IFT81: variants seen among roughly 807,000 people sequenced by gnomAD.
IFT81 encodes the protein intraflagellar transport protein 81 homolog.
IFT81 carries 72 observed loss-of-function variants against 102.6 expected under a neutral mutation model. The ratio of observed to expected loss-of-function variants is 0.70; its 90% CI spans 0.58 to 0.85. The LOEUF is 0.85. Among genes scored for constraint, IFT81 ranks in the 40% least tolerant of loss-of-function variants. The pLI, the probability that IFT81 is intolerant of heterozygous loss-of-function variation, is 0.00. For synonymous variants in IFT81, 237 were observed against 242.7 expected (o/e 0.98, Z 0.22); for missense variants, 723 against 787.3 (o/e 0.92, Z 0.98).
chr12:110,153,688 G>A (rs754825541), intron 10 of IFT81, among the ~76,000 whole-genome samples: 6 of 148,472 alleles, frequency 4.0e-5, no homozygotes, highest in East Asian at 4.1e-4. Flanking sequence ...TTGGCTCACC[G>A]CAACCTCCGC....
chr12:110,127,202 C>T (rs1893897000), intron 1 of IFT81, among the ~76,000 whole-genome samples, 158 bp from the exon 2 acceptor site: 1 of 152,160 alleles, frequency 6.6e-6, no homozygotes, highest in Non-Finnish European at 1.5e-5. Flanking sequence ...AGCCATTATA[C>T]TTGGATTTCT....
At chr12:110,172,852 T>C (rs1416835595) in intron 11 of IFT81, among the ~76,000 whole-genome samples, 1 of 152,124 alleles carries the variant, frequency 6.6e-6, no homozygotes, top group Admixed American at 6.5e-5. Flanking sequence ...CCGCCCATCG[T>C]CTGGGATGTG....
rs764263710 is a variant in IFT81, at chr12:110,162,996, G to A, written c.1119G>A (p.Glu373=). Residue 373 remains glutamate, a synonymous_variant, in exon 11 of 19, where the codon GAG becomes GAA. Transcript: ENST00000242591. ...QEAKEKLASL[E]REASVKRNQT... The stretch of plus-strand genomic sequence containing the variant: ...CCAAGGAGAAGTTAGCCAGCCTAGA[G>A]AGAGAAGCATCAGTAAAGAGAAATC... 1.9e-6 allele frequency: 3 copies of A among 1,614,044 alleles called. No homozygotes were observed. The East Asian group carries it at 6.7e-5, about 36-fold the overall frequency.
chr12:110,202,178 C>T (rs1465862805), intron 14 of IFT81, among the ~76,000 whole-genome samples: 3 of 152,118 alleles, frequency 2.0e-5, no homozygotes, highest in African/African-American at 7.2e-5. Context: ...ATTATGATGC[C>T]TATGATATCA....
chr12:110,172,338 TCTG>T (rs1478150911), intron 11 of IFT81, among the ~76,000 whole-genome samples: 4 of 151,906 alleles, frequency 2.6e-5, no homozygotes, highest in African/African-American at 7.3e-5. Context: ...CTCCTCTGCC[TCTG>T]CCTCTGCCTC....
Position 110,201,430 on chromosome 12 carries a change from T to C in IFT81, c.1558-2434T>C, listed in dbSNP as rs1028874817. Among the ~76,000 whole-genome samples, 11 of 151,652 alleles carry C rather than the reference T, an allele frequency of 7.3e-5. 1 individual carries two copies. Among genetic ancestry groups the C allele is most frequent in the Admixed American group, 5.9e-4 (9 of 15,204 alleles). ...AAAAAAAAAAAAAGGTGAAAAATTT[T>C]TGTTTTTTGTTTTTTTTTGAGACAG... is the stretch of plus-strand genomic sequence containing the variant. On this transcript the variant is annotated intron_variant, in intron 14 of 18. Coordinates refer to ENST00000242591, the MANE Select transcript of IFT81 (RefSeq NM_014055.4).
At chr12:110,170,394 GT>G (rs1302485830) in intron 11 of IFT81, among the ~76,000 whole-genome samples, 1 of 152,180 alleles carries the variant, frequency 6.6e-6, no homozygotes, top group Admixed American at 6.5e-5. Context: ...GATTTTTGCT[GT>G]TTCATAGGCA....
chr12:110,167,868 C>A, intron 11 of IFT81: 1 of 259,344 alleles, frequency 3.9e-6, no homozygotes, highest in South Asian at 3.7e-5. Flanking sequence ...TTTTTTTCCC[C>A]AGAGACAGGA....
chr12:110,157,241 C>G (rs568475087), intron 10 of IFT81, among the ~76,000 whole-genome samples: 1 of 151,900 alleles, frequency 6.6e-6, no homozygotes, highest in East Asian at 1.9e-4. Context: ...TCCAGCTACT[C>G]GGGAGGCTGA....
intron 11 of IFT81, among the ~76,000 whole-genome samples, chr12:110,166,664 C>T (rs1896450807): frequency 6.6e-6 from 1 of 151,476 alleles, no homozygotes; most frequent in South Asian, 2.1e-4. Context: ...ATGTAAGAGA[C>T]TATTGCCATC....
At chr12:110,140,237 C>T (rs1894806133) in intron 8 of IFT81, among the ~76,000 whole-genome samples, 2 of 152,164 alleles carry the variant, frequency 1.3e-5, no homozygotes, top group African/African-American at 4.8e-5. Context: ...GCTCCGCACA[C>T]ATTAAGTATT....
chr12:110,159,098 C>T (rs995287959), intron 10 of IFT81, among the ~76,000 whole-genome samples: 7 of 152,146 alleles, frequency 4.6e-5, no homozygotes, highest in African/African-American at 9.7e-5. Flanking sequence ...TCTCTTTTCC[C>T]AGGGGTTTAC....
At chr12:110,185,351 AT>A (rs150670759) in intron 12 of IFT81, among the ~76,000 whole-genome samples, 1 of 150,804 alleles carries the variant, frequency 6.6e-6, no homozygotes, top group Admixed American at 6.6e-5. Context: ...ATGCCCAACT[AT>A]TTTTTTGTAT....
At chr12:110,208,287 G>A (rs1173349350) in intron 17 of IFT81, among the ~76,000 whole-genome samples, 3 of 152,158 alleles carry the variant, frequency 2.0e-5, no homozygotes, top group South Asian at 2.1e-4. Flanking sequence ...CCAATTGCTT[G>A]AGCCCCAGAG....
At position 110,159,371 on chromosome 12, in the gene IFT81, G is replaced by C. The variant is rs150747281; in HGVS notation, c.1042-3548G>C. The stretch of plus-strand genomic sequence containing the variant: ...GCTACTTAGGAGGCTGAGGTGGGCA[G>C]ATTGCTTGAGCCTGGTAGGTGGAGG... On this transcript the variant is annotated intron_variant, in intron 10 of 18. Coordinates refer to ENST00000242591, the MANE Select transcript of IFT81 (RefSeq NM_014055.4). Among the ~76,000 whole-genome samples, 1,043 of 152,242 alleles carry C rather than the reference G, an allele frequency of 6.9e-3. 1 individual carries two copies. The highest frequency in any genetic ancestry group is 9.4e-3 in the Non-Finnish European group (641 of 68,020).
chr12:110,154,231 C>A (rs986381979), intron 10 of IFT81, among the ~76,000 whole-genome samples: 1 of 149,152 alleles, frequency 6.7e-6, no homozygotes, highest in Admixed American at 6.7e-5. Flanking sequence ...GATAGACCTG[C>A]CTTGGCCTCC....
intron 18 of IFT81, 89 bp from the exon 19 acceptor site, chr12:110,217,955 A>G (rs1442733215): frequency 4.6e-6 from 4 of 878,062 alleles, no homozygotes; most frequent in Admixed American, 5.7e-5. Context: ...TATCTACTGT[A>G]GAAAACATAC....
At chr12:110,181,920 G>A (rs1272742989) in intron 12 of IFT81, among the ~76,000 whole-genome samples, 1 of 152,142 alleles carries the variant, frequency 6.6e-6, no homozygotes, top group East Asian at 1.9e-4. Context: ...AAAGGACATG[G>A]TCTCAACTGG....
chr12:110,156,622 G>A (rs1020032372), intron 10 of IFT81, among the ~76,000 whole-genome samples: 2 of 151,802 alleles, frequency 1.3e-5, no homozygotes, highest in East Asian at 1.9e-4. Flanking sequence ...TCAGCCTCCC[G>A]AGTAGCTGGG....
Sources: allele counts gnomAD v4.1 joint callset (sites outside exome capture counted in the v4.1 genomes callset), GRCh38; gene constraint gnomAD v4.1.1; transcripts MANE v1.5; gene names NCBI Gene and HGNC (gene_info 2026-07-23, HGNC 2026-07-21).